The following PLXDC2 variants were observed in gnomAD, a reference collection of about 807,000 sequenced individuals.
PLXDC2 encodes the protein plexin domain containing 2.
Under a neutral mutation model 68.9 loss-of-function variants are expected in PLXDC2, and 40 were observed. The observed-to-expected ratio is 0.58, with a 90% CI of 0.45 to 0.76. The LOEUF is 0.76. Among genes scored for constraint, PLXDC2 ranks in the 30% least tolerant of loss-of-function variants. The pLI is 0.00. For missense variants in PLXDC2, 644 were observed against 661.9 expected, an observed-to-expected ratio of 0.97 and a Z score of 0.30; for synonymous variants, 243 against 234.2, an observed-to-expected ratio of 1.04 and a Z score of -0.34.
intron 6 of PLXDC2, among the ~76,000 whole-genome samples, chr10:20,153,257 AC>A: frequency 6.6e-6 from 1 of 152,196 alleles, no homozygotes; most frequent in Admixed American, 6.5e-5. Context: ...ATCAAAATGA[AC>A]CATTGAACCA....
intron 4 of PLXDC2, among the ~76,000 whole-genome samples, chr10:20,069,039 A>T (rs763357491): frequency 6.6e-5 from 10 of 152,210 alleles, no homozygotes; most frequent in Admixed American, 5.9e-4. Context: ...AAGAAATTCC[A>T]TAGGTGTACA....
chr10:19,854,017 T>A (rs1034074386), intron 1 of PLXDC2, among the ~76,000 whole-genome samples: 1 of 152,114 alleles, frequency 6.6e-6, no homozygotes, highest in Admixed American at 6.5e-5. Context: ...CCCACTGTGG[T>A]GGGTGCCATG....
At position 20,001,975 on chromosome 10, in the gene PLXDC2, A is replaced by G. The variant is rs1564653228; in HGVS notation, c.313A>G (p.Thr105Ala). ...LLLDDGQDNN[T>A]QIEEDTDHNY... ...GCTGGATGATGGGCAGGACAATAAC[A>G]CTCAGATCGAGGTAGATAAATAGTC... Residue 105 changes from threonine to alanine, a missense_variant, in exon 2 of 14, where the codon ACT (threonine) becomes GCT (alanine). Coordinates refer to ENST00000377252, the MANE Select transcript of PLXDC2 (RefSeq NM_032812.9). The G allele has an allele frequency of 1.2e-6, 2 of 1,611,790 alleles. No homozygotes were observed. The highest frequency in any genetic ancestry group is 1.7e-6 in the Non-Finnish European group (2 of 1,179,718).
intron 1 of PLXDC2, among the ~76,000 whole-genome samples, chr10:19,924,959 G>A (rs1398016651): frequency 6.6e-6 from 1 of 152,176 alleles, no homozygotes; most frequent in Admixed American, 6.5e-5. Flanking sequence ...CAATGAAGTT[G>A]TATTTCTTAT....
chr10:19,829,634 A>G (rs942443571), intron 1 of PLXDC2, among the ~76,000 whole-genome samples: 2 of 152,118 alleles, frequency 1.3e-5, no homozygotes, highest in Non-Finnish European at 2.9e-5. Flanking sequence ...AGGCTGTGGC[A>G]TGAGAATCAC....
At chr10:20,072,487 AAG>A (rs58565740) in intron 4 of PLXDC2, among the ~76,000 whole-genome samples, 1 of 122,418 alleles carries the variant, frequency 8.2e-6, no homozygotes, top group African/African-American at 3.6e-5. Flanking sequence ...GGAACAAAGA[AAG>A]AAAGAGAAAG....
At chr10:19,972,133 T>C (rs77472133) in intron 1 of PLXDC2, among the ~76,000 whole-genome samples, 1,607 of 152,304 alleles carry the variant, frequency 0.011, 27 homozygotes, top group African/African-American at 0.037. Flanking sequence ...CTTTATCCTG[T>C]GGACAATTTA....
At chr10:20,213,209 T>C (rs71482217) in intron 10 of PLXDC2, among the ~76,000 whole-genome samples, 1 of 152,140 alleles carries the variant, frequency 6.6e-6, no homozygotes, top group Non-Finnish European at 1.5e-5. Flanking sequence ...CAAAATCTAT[T>C]CCATTTGGAA....
At chr10:19,865,733 G>C (rs1411931888) in intron 1 of PLXDC2, among the ~76,000 whole-genome samples, 1 of 152,178 alleles carries the variant, frequency 6.6e-6, no homozygotes, top group African/African-American at 2.4e-5. Flanking sequence ...AATTTAGAAA[G>C]AACAAACCAT....
intron 12 of PLXDC2, among the ~76,000 whole-genome samples, chr10:20,223,606 C>G (rs563495569): frequency 1.3e-5 from 2 of 152,216 alleles, no homozygotes; most frequent in East Asian, 3.9e-4. Flanking sequence ...AGCCATCCTG[C>G]CCAGCCTAGA....
chr10:19,888,179 G>A (rs1347385147), intron 1 of PLXDC2, among the ~76,000 whole-genome samples: 1 of 152,144 alleles, frequency 6.6e-6, no homozygotes, highest in African/African-American at 2.4e-5. Context: ...CCGGGCTATT[G>A]CTTTGCCAAA....
chr10:19,883,697 G>GA (rs112845416), intron 1 of PLXDC2, among the ~76,000 whole-genome samples: 1 of 149,770 alleles, frequency 6.7e-6, no homozygotes, highest in South Asian at 2.1e-4. Context: ...CTTCAGACTT[G>GA]AAAAAAAAAT....
At chr10:19,965,710 G>GTT (rs5783709) in intron 1 of PLXDC2, among the ~76,000 whole-genome samples, 51 of 111,150 alleles carry the variant, frequency 4.6e-4, no homozygotes, top group East Asian at 2.9e-3. Context: ...CTGGAAAACA[G>GTT]TTTTTTTTGG....
chr10:20,219,553 C>G (rs1379843220), intron 12 of PLXDC2, among the ~76,000 whole-genome samples: 2 of 152,022 alleles, frequency 1.3e-5, no homozygotes, highest in African/African-American at 4.8e-5. Context: ...AAGAACAAAA[C>G]TTAGATATCT....
chr10:20,194,432 G>T (rs891356036), intron 9 of PLXDC2, among the ~76,000 whole-genome samples: 1 of 151,648 alleles, frequency 6.6e-6, no homozygotes, highest in South Asian at 2.1e-4. Context: ...AATGTTTTTT[G>T]GTCAAAATAA....
chr10:19,891,212 G>C (rs76562541), intron 1 of PLXDC2, among the ~76,000 whole-genome samples: 1 of 152,048 alleles, frequency 6.6e-6, no homozygotes, highest in Non-Finnish European at 1.5e-5. Context: ...AAAAGTATTG[G>C]GTACTTAGTA....
At chr10:20,239,922 G>A (rs1186212561) in intron 12 of PLXDC2, among the ~76,000 whole-genome samples, 3 of 152,168 alleles carry the variant, frequency 2.0e-5, no homozygotes, top group Non-Finnish European at 4.4e-5. Context: ...TGCATTTGAG[G>A]TGACTATGTT....
At chr10:19,836,457 T>G (rs562778384) in intron 1 of PLXDC2, among the ~76,000 whole-genome samples, 1 of 152,312 alleles carries the variant, frequency 6.6e-6, no homozygotes, top group South Asian at 2.1e-4. Flanking sequence ...TGCAAGAATA[T>G]TGCTGTGACA....
chr10:19,945,803 CT>C (rs1833891847), intron 1 of PLXDC2, among the ~76,000 whole-genome samples: 1 of 152,172 alleles, frequency 6.6e-6, no homozygotes, highest in African/African-American at 2.4e-5. Context: ...CTCCAACAAA[CT>C]ACTTTCATTC....
Sources: gnomAD v4.1 joint callset for allele counts (sites outside exome capture counted in the v4.1 genomes callset) on GRCh38, gnomAD v4.1.1 for gene constraint, MANE v1.5 for transcripts, NCBI Gene and HGNC (gene_info 2026-07-23, HGNC 2026-07-21) for gene names.